ADAMTS12: variants seen among roughly 807,000 people sequenced by gnomAD.
The protein encoded by ADAMTS12 is ADAM metallopeptidase with thrombospondin type 1 motif 12, also known as A disintegrin and metalloproteinase with thrombospondin motifs 12.
ADAMTS12 carries 118 observed loss-of-function variants against 167.8 expected under a neutral mutation model. The observed-to-expected ratio is 0.70, with a 90% CI of 0.61 to 0.82. The LOEUF is 0.82. Ranked by LOEUF, ADAMTS12 falls within the 40% of genes least tolerant of loss-of-function variation. ADAMTS12 has a pLI of 0.00. For missense variants in ADAMTS12, 1,916 were observed against 1,998.8 expected, an observed-to-expected ratio of 0.96 and a Z score of 0.79; for synonymous variants, 704 against 716.9, an observed-to-expected ratio of 0.98 and a Z score of 0.29.
chr5:33,734,504 T>A (rs533099819), intron 3 of ADAMTS12, among the ~76,000 whole-genome samples: 1 of 152,236 alleles, frequency 6.6e-6, no homozygotes, highest in Non-Finnish European at 1.5e-5. Context: ...ATTAAAAAAA[T>A]TATAACAAGG....
At chr5:33,579,587 C>T (rs1353168501) in intron 18 of ADAMTS12, among the ~76,000 whole-genome samples, 1 of 152,150 alleles carries the variant, frequency 6.6e-6, no homozygotes, top group African/African-American at 2.4e-5. Context: ...CATATCCCCT[C>T]CACCTCCCCA....
chr5:33,797,860 T>C (rs1294723721), intron 2 of ADAMTS12, among the ~76,000 whole-genome samples: 1 of 152,212 alleles, frequency 6.6e-6, no homozygotes, highest in Non-Finnish European at 1.5e-5. Flanking sequence ...AAACATATAC[T>C]AGCTACACAA....
chr5:33,873,034 C>A (rs1412790030), intron 2 of ADAMTS12, among the ~76,000 whole-genome samples: 4 of 152,152 alleles, frequency 2.6e-5, no homozygotes, highest in African/African-American at 9.7e-5. Flanking sequence ...TGTCCTCTTT[C>A]ACCACTCCTT....
chr5:33,731,260 A>G (rs554547345), intron 3 of ADAMTS12, among the ~76,000 whole-genome samples: 1 of 145,638 alleles, frequency 6.9e-6, no homozygotes. Flanking sequence ...ATCTCGGCTC[A>G]CTGCAACCTC....
At chr5:33,624,197 C>A (rs1739468559) in intron 14 of ADAMTS12, 34 bp downstream of exon 14, 3 of 1,613,050 alleles carry the variant, frequency 1.9e-6, no homozygotes, top group Non-Finnish European at 2.5e-6. Context: ...CACCTTTGGT[C>A]CCCTGCCACT....
intron 14 of ADAMTS12, among the ~76,000 whole-genome samples, chr5:33,620,113 G>A (rs753952852): frequency 6.6e-6 from 1 of 152,210 alleles, no homozygotes; most frequent in Non-Finnish European, 1.5e-5. Flanking sequence ...AAAAGTGCAA[G>A]GTCTTTGTAC....
chr5:33,770,011 G>A (rs1745681284), intron 2 of ADAMTS12, among the ~76,000 whole-genome samples: 1 of 152,152 alleles, frequency 6.6e-6, no homozygotes, highest in South Asian at 2.1e-4. Context: ...GATGCTGTAT[G>A]AATGATTTTC....
chr5:33,596,002 T>C lies in ADAMTS12; in HGVS notation c.2586A>G (p.Thr862=), dbSNP rs376595917. 4 of 1,613,990 alleles carry C rather than the reference T, an allele frequency of 2.5e-6. No individual in the cohort carries two copies. In the African/African-American group the frequency reaches 5.3e-5, roughly 22 times the overall value. The change falls in exon 17 of 24, where the codon ACA becomes ACG. Residue 862 remains threonine (T), a synonymous_variant. Transcript: ENST00000504830. ...IKKGRGMVKA[T]FCDPETQPNG... Reference sequence around the variant, plus strand: ...TGGGCTGTGTTTCTGGGTCACAGAATGTAGCTTTCACCATCCCGCGGCCCT... The same window carrying C: ...TGGGCTGTGTTTCTGGGTCACAGAACGTAGCTTTCACCATCCCGCGGCCCT...
rs201820498 is a variant in ADAMTS12 at position 33,549,219 on chromosome 5, C to T, written c.4290G>A (p.Glu1430=). ...GTGGGGGACCTACCTGGCTCCAAGGCTCCACCTGCCACGCCTCACAGGGCT... is the reference window on the plus strand; with the variant it reads ...GTGGGGGACCTACCTGGCTCCAAGGTTCCACCTGCCACGCCTCACAGGGCT... ...NPEPCEAWQV[E]PWSQCSRSCG... is the part of the protein sequence containing the mutation. Residue 1430 remains glutamate, a synonymous_variant, in exon 21 of 24, where the codon GAG becomes GAA. Transcript: ENST00000504830. 4.5e-5 allele frequency: 72 copies of T among 1,613,512 alleles called. No individual in the cohort carries two copies. In the East Asian group the frequency reaches 1.5e-3, roughly 34 times the overall value.
At chr5:33,548,834 A>C (rs1246080797) in intron 21 of ADAMTS12, among the ~76,000 whole-genome samples, 4 of 152,186 alleles carry the variant, frequency 2.6e-5, no homozygotes. Flanking sequence ...CAGAAGCCTC[A>C]GAGAGCATGT....
intron 9 of ADAMTS12, among the ~76,000 whole-genome samples, chr5:33,646,782 C>G (rs1740683566): frequency 6.6e-6 from 1 of 152,000 alleles, no homozygotes; most frequent in Non-Finnish European, 1.5e-5. Flanking sequence ...AGACTCTGAA[C>G]ACTGAAATTA....
rs777802460 is a variant in ADAMTS12, at chr5:33,577,150, G to C, written c.2876C>G (p.Ser959Cys). 1 of 1,614,134 alleles carries C rather than the reference G, an allele frequency of 6.2e-7. No individual in the cohort carries two copies. The highest frequency in any genetic ancestry group is 8.5e-7 in the Non-Finnish European group (1 of 1,180,026). ...GCGAATCCGCACTCCACCACCACAG[G>C]AAACAGAACACTAGAAGAGAGAAAC... ...TVGNWSECSV[S>C]CGGGVRIRSV... Residue 959 changes from serine (S) to cysteine (C), a missense_variant, in exon 19 of 24, where the codon TCC becomes TGC. Coordinates refer to ENST00000504830, the MANE Select transcript of ADAMTS12 (RefSeq NM_030955.4).
chr5:33,593,221 G>A (rs1311791271), intron 17 of ADAMTS12, among the ~76,000 whole-genome samples: 1 of 152,172 alleles, frequency 6.6e-6, no homozygotes, highest in African/African-American at 2.4e-5. Flanking sequence ...ACTTAGTTTT[G>A]GAGTCAAGCA....
chr5:33,629,929 A>G (rs944718255), intron 13 of ADAMTS12, among the ~76,000 whole-genome samples: 1 of 152,146 alleles, frequency 6.6e-6, no homozygotes, highest in Non-Finnish European at 1.5e-5. Flanking sequence ...ATTTAGGTTA[A>G]CTGACCTTAT....
intron 22 of ADAMTS12, 47 bp from the exon 23 acceptor site, chr5:33,535,039 C>G: frequency 1.3e-6 from 2 of 1,535,300 alleles, no homozygotes. Context: ...CCCACGACTC[C>G]CAAGGAAACA....
At chr5:33,595,368 C>T (rs58847269) in intron 17 of ADAMTS12, among the ~76,000 whole-genome samples, 30,379 of 152,060 alleles carry the variant, frequency 0.2, 3,103 homozygotes, top group South Asian at 0.29. Flanking sequence ...ATAGCCTGGA[C>T]TGGGAGGGAG....
Position 33,573,083 on chromosome 5 carries a change from C to T in ADAMTS12, c.3972+2971G>A, listed in dbSNP as rs181338465. 2.3e-3 allele frequency among the ~76,000 whole-genome samples: 351 copies of T among 152,224 alleles called. 1 individual carries two copies. The highest frequency in any genetic ancestry group is 8.0e-3 in the African/African-American group (331 of 41,516). ...CTTCAAGGAGAACTACAAACCACTG[C>T]TCAATGAAATAAAACAGGATACAAA... On this transcript the variant is annotated intron_variant, in intron 19 of 23. Coordinates refer to ENST00000504830, the MANE Select transcript of ADAMTS12 (RefSeq NM_030955.4).
chr5:33,644,793 C>T (rs1740597463), intron 9 of ADAMTS12, among the ~76,000 whole-genome samples: 1 of 151,424 alleles, frequency 6.6e-6, no homozygotes, highest in Non-Finnish European at 1.5e-5. Context: ...TGCAGTGGTG[C>T]CATCTCGGCT....
chr5:33,792,380 T>C (rs1396866619), intron 2 of ADAMTS12, among the ~76,000 whole-genome samples: 4 of 152,232 alleles, frequency 2.6e-5, no homozygotes, highest in African/African-American at 7.2e-5. Flanking sequence ...AATGTGCATG[T>C]CACGTAACTG....
Sources: allele counts gnomAD v4.1 joint callset (sites outside exome capture counted in the v4.1 genomes callset), GRCh38; gene constraint gnomAD v4.1.1; transcripts MANE v1.5; gene names NCBI Gene and HGNC (gene_info 2026-07-23, HGNC 2026-07-21).